The following VPS53 variants were observed in gnomAD, a reference collection of about 807,000 sequenced individuals.
The protein encoded by VPS53 is VPS53 subunit of GARP complex.
Under a neutral mutation model 107.0 loss-of-function variants are expected in VPS53, and 70 were observed. That is an observed-to-expected ratio of 0.65 (90% confidence interval 0.54 to 0.80). VPS53 has a LOEUF of 0.80. Among genes scored for constraint, VPS53 ranks in the 30% least tolerant of loss-of-function variants. The pLI, the probability that VPS53 is intolerant of heterozygous loss-of-function variation, is 0.00. For synonymous variants in VPS53, 409 were observed against 393.3 expected, an observed-to-expected ratio of 1.04 and a Z score of -0.47; for missense variants, 917 against 1,049.4, an observed-to-expected ratio of 0.87 and a Z score of 1.74.
chr17:600,040 GTGT>G (rs1968254249), intron 12 of VPS53: 1 of 152,188 alleles, frequency 6.6e-6, no homozygotes, highest in South Asian at 2.1e-4. Context: ...TCAGATGTCA[GTGT>G]TCTGTGTTCT....
intron 4 of VPS53, among the ~76,000 whole-genome samples, chr17:668,192 G>A (rs982401143): frequency 1.3e-5 from 2 of 152,100 alleles, no homozygotes; most frequent in Non-Finnish European, 2.9e-5. Context: ...TGGTTTACCG[G>A]GGACACGCTG....
chr17:602,915 GC>G (rs1370385859), intron 11 of VPS53, among the ~76,000 whole-genome samples: 18 of 152,296 alleles, frequency 1.2e-4, no homozygotes, highest in Non-Finnish European at 2.4e-4. Flanking sequence ...ACTGCTTGGT[GC>G]TGGGGACGAG....
At chr17:552,072 T>A in intron 16 of VPS53, 122 bp from the exon 17 acceptor site, 1 of 878,258 alleles carries the variant, frequency 1.1e-6, no homozygotes. Context: ...GAGCTTTAAT[T>A]AATGACAGCG....
At chr17:688,820 C>G (rs560486699) in intron 4 of VPS53, among the ~76,000 whole-genome samples, 1 of 152,318 alleles carries the variant, frequency 6.6e-6, no homozygotes, top group African/African-American at 2.4e-5. Context: ...TCTAACAACC[C>G]GACTCCAGGG....
intron 6 of VPS53, among the ~76,000 whole-genome samples, chr17:655,514 ACT>A (rs1971153790): frequency 1.3e-5 from 2 of 151,008 alleles, no homozygotes; most frequent in South Asian, 2.1e-4. Context: ...GGCCTGTGTC[ACT>A]CTGTCTGCCT....
intron 17 of VPS53, among the ~76,000 whole-genome samples, chr17:541,112 C>T (rs1023283392): frequency 6.6e-6 from 1 of 152,182 alleles, no homozygotes; most frequent in African/African-American, 2.4e-5. Context: ...ACATTTCAGG[C>T]AACTGAAGTC....
intron 1 of VPS53, chr17:714,217 T>C (rs1299294048): frequency 5.1e-6 from 1 of 194,204 alleles, no homozygotes; most frequent in Non-Finnish European, 1.1e-5. Flanking sequence ...ATTAAAGTCA[T>C]TCCCTTCCCC....
intron 4 of VPS53, among the ~76,000 whole-genome samples, chr17:670,627 C>A (rs1308575177): frequency 6.6e-6 from 1 of 152,140 alleles, no homozygotes; most frequent in East Asian, 1.9e-4. Flanking sequence ...AATGAGCATC[C>A]CTCTGGCTCT....
chr17:602,923 C>T (rs2360737), intron 11 of VPS53, among the ~76,000 whole-genome samples: 74,465 of 151,898 alleles, frequency 0.49, 20,065 homozygotes, highest in Non-Finnish European at 0.6. Flanking sequence ...GTGCTGGGGA[C>T]GAGGGAAGGG....
chr17:644,337 G>A (rs535656138), intron 7 of VPS53, among the ~76,000 whole-genome samples: 3 of 152,244 alleles, frequency 2.0e-5, no homozygotes, highest in Non-Finnish European at 2.9e-5. Context: ...TTTGAGAAAC[G>A]GAAGCAATGC....
At chr17:650,791 G>T (rs1970912822) in intron 7 of VPS53, among the ~76,000 whole-genome samples, 1 of 152,148 alleles carries the variant, frequency 6.6e-6, no homozygotes, top group African/African-American at 2.4e-5. Flanking sequence ...TTAAGAATTA[G>T]AAACAACGAC....
intron 17 of VPS53, chr17:538,726 C>T (rs1910323312): frequency 6.6e-6 from 1 of 152,148 alleles, no homozygotes; most frequent in Non-Finnish European, 1.5e-5. Context: ...CATGAAGAGT[C>T]TTATGCAAGG....
intron 13 of VPS53, among the ~76,000 whole-genome samples, chr17:565,526 G>T (rs1224977681): frequency 1.3e-5 from 2 of 151,958 alleles, no homozygotes; most frequent in African/African-American, 4.8e-5. Flanking sequence ...GTGATAGTGA[G>T]AAAGCAGGGA....
chr17:657,912 G>A (rs368559354), intron 5 of VPS53, among the ~76,000 whole-genome samples: 8 of 149,688 alleles, frequency 5.3e-5, no homozygotes, highest in East Asian at 2.0e-4. Flanking sequence ...TGAGAAACTC[G>A]GCCGTGAGTT....
In VPS53 at chr17:601,752, G is replaced by T. The variant is rs772024728; in HGVS notation, c.1218+43C>A. 13 of 1,463,540 alleles carry T rather than the reference G, an allele frequency of 8.9e-6. No individual in the cohort carries two copies. The Admixed American group carries it at 2.4e-4, about 27-fold the overall frequency. 90.7% of individuals were successfully genotyped at this position (1,463,540 alleles called of 1,614,324 possible). A position where few individuals can be genotyped will look rare whatever the true frequency, so the allele number is the denominator to read the frequency against. ...AGCAAGCAGACCGATTTTCAGAAAC[G>T]CACATTGGGTAGGTTACCCGTGGTG... On this transcript the variant is annotated intron_variant, in intron 12 of 21. Coordinates refer to ENST00000437048, the MANE Select transcript of VPS53 (RefSeq NM_001128159.3).
chr17:669,789 G>A (rs866405238), intron 4 of VPS53, among the ~76,000 whole-genome samples: 31 of 151,812 alleles, frequency 2.0e-4, no homozygotes, highest in Admixed American at 5.9e-4. Context: ...CTACTCGGGA[G>A]GCTGAGGCAG....
intron 11 of VPS53, among the ~76,000 whole-genome samples, chr17:612,081 TAGTG>T (rs1420401298): frequency 6.6e-6 from 1 of 150,650 alleles, no homozygotes; most frequent in African/African-American, 2.4e-5. Flanking sequence ...AATATTCACA[TAGTG>T]AGTTCACACA....
At chr17:699,811 C>T (rs1973126838) in intron 2 of VPS53, among the ~76,000 whole-genome samples, 1 of 152,120 alleles carries the variant, frequency 6.6e-6, no homozygotes. Context: ...TGCACAACAC[C>T]ATGGATAAAC....
chr17:638,013 G>C (rs895665386), intron 7 of VPS53, among the ~76,000 whole-genome samples: 5 of 152,142 alleles, frequency 3.3e-5, no homozygotes, highest in Admixed American at 2.0e-4. Context: ...GTTGACAGTG[G>C]GGTGTTAAAG....
Sources: allele counts gnomAD v4.1 joint callset (sites outside exome capture counted in the v4.1 genomes callset), GRCh38; gene constraint gnomAD v4.1.1; transcripts MANE v1.5; gene names NCBI Gene and HGNC (gene_info 2026-07-23, HGNC 2026-07-21).